Variants in ADAT1 observed in about 807,000 individuals in gnomAD.
ADAT1 encodes the protein tRNA-specific adenosine deaminase 1.
In ADAT1, 58 loss-of-function variants were observed where a neutral mutation model predicts 58.6. The observed-to-expected ratio is 0.99, with a 90% CI of 0.80 to 1.23. The LOEUF is 1.23. Ranked by LOEUF, ADAT1 falls within the 50% of genes most tolerant of loss-of-function variation. The pLI, the probability that ADAT1 is intolerant of heterozygous loss-of-function variation, is 0.00. For missense variants in ADAT1, 741 were observed against 608.6 expected, an observed-to-expected ratio of 1.22 and a Z score of -2.29; for synonymous variants, 254 against 220.8, an observed-to-expected ratio of 1.15 and a Z score of -1.33.
rs2081117363 is a variant in ADAT1 at position 75,598,002 on chromosome 16, G to A, written c.*2214C>T. The A allele has an allele frequency of 6.5e-6, 1 of 154,890 alleles. No homozygotes were observed. The highest frequency in any genetic ancestry group is 2.4e-5 in the African/African-American group (1 of 41,468). The allele number at this position is 154,890 out of a possible 1,614,324, so 9.6% of individuals were successfully genotyped here. On this transcript the variant is annotated 3_prime_UTR_variant, in exon 10 of 10. Coordinates refer to ENST00000564657, the MANE Select transcript of ADAT1 (RefSeq NM_001324445.2). ...TGGGGCTGGGGGCCCCTGCCCTAAA[G>A]CTTTTAGAGGAAGCAGAAGCCCCAC...
Position 75,599,359 on chromosome 16 carries a change from G to A in ADAT1, c.*857C>T, listed in dbSNP as rs999495693. 3.0e-6 allele frequency: 3 copies of A among 985,454 alleles called. No homozygotes were observed. Among genetic ancestry groups the A allele is most frequent in the African/African-American group, 3.5e-5 (2 of 57,216 alleles). The allele number at this position is 985,454 out of a possible 1,614,324, so 61.0% of individuals were successfully genotyped here. ...GGCTTCCCAAAGTGCTGGGATTACA[G>A]GCCTGAGCCACCAAGCCTGGCCACC... is the stretch of plus-strand genomic sequence containing the variant. On this transcript the variant is annotated 3_prime_UTR_variant, in exon 10 of 10. Coordinates refer to ENST00000564657, the MANE Select transcript of ADAT1 (RefSeq NM_001324445.2).
chr16:75,597,090 TAATGGGTTCTGC>T lies in ADAT1; in HGVS notation c.*3114_*3125del. The stretch of plus-strand genomic sequence containing the variant: ...GCGTTGAGGAACGGGAAGTGACTGC[TAATGGGTTCTGC>T]AATGGGTTGAGTGGTGTCCCCCAAA... On this transcript the variant is annotated 3_prime_UTR_variant, in exon 10 of 10. Coordinates refer to ENST00000564657, the MANE Select transcript of ADAT1 (RefSeq NM_001324445.2). The T allele has an allele frequency of 6.2e-6, 1 of 160,364 alleles. No individual in the cohort carries two copies. The highest frequency in any genetic ancestry group is 6.4e-5 in the Admixed American group (1 of 15,534). 9.9% of individuals were successfully genotyped at this position (160,364 alleles called of 1,614,324 possible). A position where few individuals can be genotyped will look rare whatever the true frequency, so the allele number is the denominator to read the frequency against.
In ADAT1 at chr16:75,608,848, C is replaced by T; in HGVS notation, c.1184G>A (p.Gly395Glu). 6.2e-7 allele frequency: 1 copy of T among 1,613,384 alleles called. No homozygotes were observed. The highest frequency in any genetic ancestry group is 1.1e-5 in the South Asian group (1 of 91,062). The change falls in exon 7 of 10, where the codon GGG becomes GAG. Residue 395 changes from glycine (G) to glutamate (E), a missense_variant. Physicochemically the swap from Gly to Glu is moderately conservative, Grantham distance 98. Coordinates refer to ENST00000564657, the MANE Select transcript of ADAT1 (RefSeq NM_001324445.2). Reference protein sequence around the residue: ...ADSPGRLVPCGAAISWSAVPE... With the variant: ...ADSPGRLVPCEAAISWSAVPE... ...GTCTAACCTGGATCTCTTACCTGCCCCACAAGGAACAAGTCGACCTGGGCT... is the reference window on the plus strand; with the variant it reads ...GTCTAACCTGGATCTCTTACCTGCCTCACAAGGAACAAGTCGACCTGGGCT...
chr16:75,618,535 G>A (rs146087747), intron 4 of ADAT1, 51 bp downstream of exon 4: 19 of 1,282,468 alleles, frequency 1.5e-5, no homozygotes, highest in South Asian at 1.0e-4. Flanking sequence ...AGTAAATTCC[G>A]GGACTCCCAC....
rs183286312 is a variant in ADAT1, at chr16:75,613,012, C to A, written c.425-151G>T. ...CAGAAACTCCGGAGGCAGAGCCCAG[C>A]AGTGTGTTTTTAACAAGCTCTCCAG... On this transcript the variant is annotated intron_variant, in intron 5 of 9. Coordinates refer to ENST00000564657, the MANE Select transcript of ADAT1 (RefSeq NM_001324445.2). 1.6e-5 allele frequency: 16 copies of A among 973,844 alleles called. No homozygotes were observed. The East Asian group carries it at 3.4e-4, about 21-fold the overall frequency. The allele number at this position is 973,844 out of a possible 1,614,324, so 60.3% of individuals were successfully genotyped here. A position where few individuals can be genotyped will look rare whatever the true frequency, so the allele number is the denominator to read the frequency against.
chr16:75,611,856 G>C (rs762443710), intron 6 of ADAT1, among the ~76,000 whole-genome samples: 9 of 151,938 alleles, frequency 5.9e-5, no homozygotes, highest in Non-Finnish European at 1.2e-4. Context: ...TCAGGAGTTT[G>C]AGACCAGCCT....
rs771968970 is a variant in ADAT1 at position 75,608,801 on chromosome 16, G to C, written c.1189+42C>G. 1.9e-6 allele frequency: 3 copies of C among 1,589,478 alleles called. No individual in the cohort carries two copies. In the South Asian group the frequency reaches 3.4e-5, roughly 18 times the overall value. On this transcript the variant is annotated intron_variant, in intron 7 of 9. Coordinates refer to ENST00000564657, the MANE Select transcript of ADAT1 (RefSeq NM_001324445.2). ...ACCCTCTGGGGCCACTCTCAGTCAG[G>C]GGAGCAGTTACTCCAGGGCAGGTCT...
intron 6 of ADAT1, 106 bp downstream of exon 6, chr16:75,612,137 G>A: frequency 2.4e-6 from 3 of 1,232,656 alleles, no homozygotes; most frequent in Non-Finnish European, 3.4e-6. Context: ...TCCTGGAAGT[G>A]GAACTGCTGG....
intron 3 of ADAT1, 140 bp from the exon 4 acceptor site, chr16:75,618,780 T>A: frequency 2.1e-6 from 2 of 944,146 alleles, no homozygotes; most frequent in Non-Finnish European, 1.6e-6. Context: ...GGTACCACAA[T>A]CATGAATAAC....
intron 8 of ADAT1, among the ~76,000 whole-genome samples, chr16:75,605,142 G>C (rs1298280382): frequency 2.0e-5 from 3 of 152,180 alleles, no homozygotes; most frequent in African/African-American, 7.2e-5. Context: ...CCAGGCTGGA[G>C]TGCAGTGGCG....
At position 75,612,750 on chromosome 16, in the gene ADAT1, G is replaced by A. The variant is rs1385773539; in HGVS notation, c.536C>T (p.Ala179Val). The change falls in exon 6 of 10, where the codon GCT becomes GTT. Residue 179 changes from alanine (A) to valine (V), a missense_variant. Ala to Val is a moderately conservative substitution (Grantham distance 64). Coordinates refer to ENST00000564657, the MANE Select transcript of ADAT1 (RefSeq NM_001324445.2). ...TTCACATTTTCTTTCATTTCCAGGA[G>A]CTTCCAGGTTACTACTGGCTTCTAC... ...SSVEASSNLE[A>V]PGNERKCEDP... is the part of the protein sequence containing the mutation. The A allele has an allele frequency of 6.2e-7, 1 of 1,613,954 alleles. No individual in the cohort carries two copies. The highest frequency in any genetic ancestry group is 1.3e-5 in the African/African-American group (1 of 74,906).
Position 75,597,602 on chromosome 16 carries a change from T to C in ADAT1, c.*2614A>G, listed in dbSNP as rs1438625723. ...CTGTGCACTGTATTTCTATTATTAT[T>C]ACATCGTAATACATGATGAAATAAT... On this transcript the variant is annotated 3_prime_UTR_variant, in exon 10 of 10. Transcript: ENST00000564657. Among the ~76,000 whole-genome samples the C allele has an allele frequency of 2.6e-5, 4 of 152,172 alleles. No individual in the cohort carries two copies. Among genetic ancestry groups the C allele is most frequent in the Admixed American group, 2.6e-4 (4 of 15,282 alleles).
intron 9 of ADAT1, 44 bp downstream of exon 9, chr16:75,603,041 A>T: frequency 6.4e-7 from 1 of 1,562,808 alleles, no homozygotes; most frequent in Non-Finnish European, 8.8e-7. Context: ...GAATCAAAAC[A>T]GTTGTCTACC....
At chr16:75,612,016 C>A (rs2081552445) in intron 6 of ADAT1, among the ~76,000 whole-genome samples, 1 of 152,112 alleles carries the variant, frequency 6.6e-6, no homozygotes, top group Admixed American at 6.5e-5. Context: ...CCAGAGCACG[C>A]CATTGCACCC....
chr16:75,604,645 G>A (rs1049278000), intron 8 of ADAT1, among the ~76,000 whole-genome samples: 11 of 151,110 alleles, frequency 7.3e-5, no homozygotes, highest in Admixed American at 4.0e-4. Flanking sequence ...TTTATAAAGC[G>A]CAACTATAAA....
chr16:75,620,747 C>T lies in ADAT1; in HGVS notation c.53G>A (p.Arg18Lys). Residue 18 changes from arginine to lysine, a missense_variant, in exon 2 of 10, where the codon AGG becomes AAG. Arg to Lys is a conservative substitution (Grantham distance 26). Coordinates refer to ENST00000564657, the MANE Select transcript of ADAT1 (RefSeq NM_001324445.2). ...CTCAGGCTTCCCCTTCTTGGGCAGC[C>T]TGATCCCATAGTGTTCATAGCATAG... ...AQLCYEHYGI[R>K]LPKKGKPEPN... is the part of the protein sequence containing the mutation. 6.2e-7 allele frequency: 1 copy of T among 1,614,180 alleles called. No individual in the cohort carries two copies. Among genetic ancestry groups the T allele is most frequent in the East Asian group, 2.2e-5 (1 of 44,872 alleles).
chr16:75,604,474 T>TATATATACACACAC lies in ADAT1; in HGVS notation c.1290-1304_1290-1303insGTGTGTGTATATAT, dbSNP rs1324943206. ...AAAAAAAAATATATATATATATATA[T>TATATATACACACAC]ACACACACACACACACACACACACA... On this transcript the variant is annotated intron_variant, in intron 8 of 9. Transcript: ENST00000564657. Among the ~76,000 whole-genome samples, 4 of 54,020 alleles carry TATATATACACACAC rather than the reference T, an allele frequency of 7.4e-5. 1 individual carries two copies. The highest frequency in any genetic ancestry group is 0.025 in the Middle Eastern group (2 of 80). 35.4% of individuals were successfully genotyped at this position (54,020 alleles called of 152,430 possible). A position where few individuals can be genotyped will look rare whatever the true frequency, so the allele number is the denominator to read the frequency against.
In ADAT1 at chr16:75,622,434, T is replaced by C. The variant is rs1229548947; in HGVS notation, c.-53A>G. The C allele has an allele frequency of 1.3e-5, 2 of 152,106 alleles. No homozygotes were observed. Among genetic ancestry groups the C allele is most frequent in the Admixed American group, 6.5e-5 (1 of 15,270 alleles). The allele number at this position is 152,106 out of a possible 1,614,324, so 9.4% of individuals were successfully genotyped here. On this transcript the variant is annotated 5_prime_UTR_variant, in exon 1 of 10. The change creates a new upstream start codon in the 5' untranslated region. Coordinates refer to ENST00000564657, the MANE Select transcript of ADAT1 (RefSeq NM_001324445.2). The stretch of plus-strand genomic sequence containing the variant: ...TTTCTAGGGAGGCATCACAAGGCAG[T>C]ATAGTTTATGAAGACCACCTGGCCA...
chr16:75,602,594 C>A lies in ADAT1; in HGVS notation c.1376+491G>T, dbSNP rs187593865. On this transcript the variant is annotated intron_variant, in intron 9 of 9. Transcript: ENST00000564657. The stretch of plus-strand genomic sequence containing the variant: ...GAAGACAGTTTAGTGGGAACTGTGT[C>A]CTTCACCTGTGAAACTTCACCTAAA... 3.4e-3 allele frequency among the ~76,000 whole-genome samples: 524 copies of A among 152,190 alleles called. 2 individuals are homozygous for A. Among genetic ancestry groups the A allele is most frequent in the Non-Finnish European group, 5.4e-3 (368 of 68,012 alleles).
Sources: gnomAD v4.1 joint callset for allele counts (sites outside exome capture counted in the v4.1 genomes callset) on GRCh38, gnomAD v4.1.1 for gene constraint, MANE v1.5 for transcripts, NCBI Gene and HGNC (gene_info 2026-07-23, HGNC 2026-07-21) for gene names.